TOM1: variants seen among roughly 807,000 people sequenced by gnomAD.
The protein encoded by TOM1 is target of Myb protein 1.
Under a neutral mutation model 61.3 loss-of-function variants are expected in TOM1, and 38 were observed. The observed-to-expected ratio is 0.62, with a 90% CI of 0.48 to 0.81. The LOEUF is 0.81. Ranked by LOEUF, TOM1 falls within the 40% of genes least tolerant of loss-of-function variation. The pLI is 0.00. For missense variants in TOM1, 591 were observed against 659.6 expected (o/e 0.90, Z 1.14); for synonymous variants, 270 against 268.8 (o/e 1.00, Z -0.04).
upstream of TOM1, chr22:35,299,868 G>A (rs891001352): frequency 1.4e-5 from 22 of 1,546,240 alleles, no homozygotes; most frequent in Admixed American, 5.8e-5. Flanking sequence ...GTGACGGGTC[G>A]GTGGCGCTGG....
chr22:35,313,472 C>T (rs1250822760), intron 1 of TOM1, among the ~76,000 whole-genome samples: 2 of 152,182 alleles, frequency 1.3e-5, no homozygotes, highest in Non-Finnish European at 2.9e-5. Context: ...CATTGTAGCT[C>T]GGTTACTCAT....
chr22:35,305,943 C>T (rs1926295539), intron 1 of TOM1, among the ~76,000 whole-genome samples: 1 of 152,058 alleles, frequency 6.6e-6, no homozygotes, highest in African/African-American at 2.4e-5. Flanking sequence ...CTATAAAGGG[C>T]CAGATAGTAA....
chr22:35,321,834 G>C (rs1380580545), intron 2 of TOM1, 125 bp from the exon 3 acceptor site: 12 of 848,322 alleles, frequency 1.4e-5, no homozygotes, highest in Non-Finnish European at 2.3e-5. Flanking sequence ...AACCTGGCTG[G>C]ATACACAAAA....
chr22:35,330,053 G>A (rs1027058489), intron 7 of TOM1, among the ~76,000 whole-genome samples: 3 of 152,096 alleles, frequency 2.0e-5, no homozygotes, highest in Non-Finnish European at 4.4e-5. Context: ...GCCGAGGCAG[G>A]CAGATCGTGA....
chr22:35,304,886 A>G (rs1255109786), intron 1 of TOM1, among the ~76,000 whole-genome samples: 1 of 152,226 alleles, frequency 6.6e-6, no homozygotes, highest in Admixed American at 6.5e-5. Flanking sequence ...GCCAACAGTA[A>G]GTTGCAAACA....
chr22:35,339,697 G>A (rs929499625), intron 12 of TOM1, among the ~76,000 whole-genome samples: 15 of 151,986 alleles, frequency 9.9e-5, no homozygotes, highest in African/African-American at 2.9e-4. Context: ...GAGGTCAGGA[G>A]ATCGAGACCA....
chr22:35,334,935 T>C (rs769919041), intron 11 of TOM1, among the ~76,000 whole-genome samples: 1 of 151,392 alleles, frequency 6.6e-6, no homozygotes, highest in Admixed American at 6.6e-5. Context: ...CTTTTTCTGT[T>C]GTTCCATAGC....
In TOM1 at chr22:35,322,754, A is replaced by C. The variant is rs1047243681; in HGVS notation, c.217-274A>C. On this transcript the variant is annotated intron_variant, in intron 3 of 14. Coordinates refer to ENST00000449058, the MANE Select transcript of TOM1 (RefSeq NM_005488.3). ...TCTAGACCATGTTTAGCTCAGAGAC[A>C]GCATTGGGATTCTGCGTGCACTGAC... 4.9e-5 allele frequency: 21 copies of C among 427,014 alleles called. No homozygotes were observed. The East Asian group carries it at 8.6e-4, about 18-fold the overall frequency. 26.5% of individuals were successfully genotyped at this position (427,014 alleles called of 1,614,324 possible). A position where few individuals can be genotyped will look rare whatever the true frequency, so the allele number is the denominator to read the frequency against.
At chr22:35,329,106 C>A (rs1928592006) in intron 7 of TOM1, among the ~76,000 whole-genome samples, 1 of 152,164 alleles carries the variant, frequency 6.6e-6, no homozygotes, top group African/African-American at 2.4e-5. Context: ...TAGGCATACA[C>A]CACCATGCCC....
rs745751433 is a variant in TOM1, at chr22:35,330,434, C to T, written c.853C>T (p.Leu285Phe). 1 of 1,613,628 alleles carries T rather than the reference C, an allele frequency of 6.2e-7. No homozygotes were observed. Among genetic ancestry groups the T allele is most frequent in the Non-Finnish European group, 8.5e-7 (1 of 1,179,882 alleles). ...IANEQLTEELLIVNDNLNNVF... is the reference protein window; with the variant it reads ...IANEQLTEELFIVNDNLNNVF... ...CAATGAGCAGCTGACAGAGGAGCTG[C>T]TCATCGTCAATGACAATCTCAACAA... Residue 285 changes from leucine to phenylalanine, a missense_variant, in exon 8 of 15, where the codon CTC becomes TTC. Leu to Phe is a conservative substitution (Grantham distance 22). Transcript: ENST00000449058.
At chr22:35,306,861 C>T (rs762891976) in intron 1 of TOM1, among the ~76,000 whole-genome samples, 2 of 152,208 alleles carry the variant, frequency 1.3e-5, no homozygotes, top group African/African-American at 4.8e-5. Context: ...GCTGGGTGGC[C>T]ACCACATTCA....
intron 13 of TOM1, 102 bp downstream of exon 13, chr22:35,345,886 C>A: frequency 8.1e-7 from 1 of 1,235,514 alleles, no homozygotes; most frequent in Non-Finnish European, 1.2e-6. Context: ...CATATAGCAC[C>A]CTGAGAGCAG....
Position 35,347,848 on chromosome 22 carries a change from G to A in TOM1, c.*639G>A. 1 of 153,280 alleles carries A rather than the reference G, an allele frequency of 6.5e-6. No individual in the cohort carries two copies. The highest frequency in any genetic ancestry group is 1.5e-5 in the Non-Finnish European group (1 of 68,466). 9.5% of individuals were successfully genotyped at this position (153,280 alleles called of 1,614,324 possible). A position where few individuals can be genotyped will look rare whatever the true frequency, so the allele number is the denominator to read the frequency against. ...GCTGGGGCCCCACTGCCCCTCCGCTGCCTTGCCCTCCATCCTTCCTCTGTT... is the reference window on the plus strand; with the variant it reads ...GCTGGGGCCCCACTGCCCCTCCGCTACCTTGCCCTCCATCCTTCCTCTGTT... On this transcript the variant is annotated 3_prime_UTR_variant, in exon 15 of 15. Coordinates refer to ENST00000449058, the MANE Select transcript of TOM1 (RefSeq NM_005488.3).
rs200738877 is a variant in TOM1, at chr22:35,323,839, T to C, written c.573T>C (p.Ser191=). 1.3e-4 allele frequency: 204 copies of C among 1,612,896 alleles called. 1 individual carries two copies. The highest frequency in any genetic ancestry group is 8.7e-4 in the Admixed American group (52 of 59,858). ...VGTDSSQQED[S]GQHAAPLPAP... ...CTGACTCCAGCCAGCAAGAGGACTC[T>C]GGCCAGCATGCTGCCCCTCTGCCCG... Residue 191 remains serine, a synonymous_variant, in exon 6 of 15, where the codon TCT becomes TCC. Coordinates refer to ENST00000449058, the MANE Select transcript of TOM1 (RefSeq NM_005488.3). This position sits in a 1 kb window ranked among gnomAD's most constrained non-coding sequence, Gnocchi z 4.2.
chr22:35,343,270 C>CACACACCTCCAG (rs1930093608), intron 12 of TOM1, among the ~76,000 whole-genome samples: 1 of 7,516 alleles, frequency 1.3e-4, no homozygotes, highest in Non-Finnish European at 3.1e-4. Context: ...CACACCTCCA[C>CACACACCTCCAG]TCATACACCT....
chr22:35,305,316 G>A (rs1187739413), intron 1 of TOM1, among the ~76,000 whole-genome samples: 1 of 152,214 alleles, frequency 6.6e-6, no homozygotes, highest in Non-Finnish European at 1.5e-5. Context: ...GGTAAGGAAC[G>A]ACAGAGGTCA....
At chr22:35,336,480 A>C (rs1037178139) in intron 11 of TOM1, among the ~76,000 whole-genome samples, 1 of 152,212 alleles carries the variant, frequency 6.6e-6, no homozygotes, top group Non-Finnish European at 1.5e-5. Flanking sequence ...CCTTGACCAC[A>C]GCTGGCACCG....
intron 1 of TOM1, among the ~76,000 whole-genome samples, chr22:35,305,113 G>A (rs1278575362): frequency 6.6e-6 from 1 of 152,260 alleles, no homozygotes; most frequent in African/African-American, 2.4e-5. Flanking sequence ...CAGGCCCTTG[G>A]GGGCCAGTTG....
chr22:35,304,111 A>G (rs1458886160), intron 1 of TOM1, among the ~76,000 whole-genome samples: 1 of 152,178 alleles, frequency 6.6e-6, no homozygotes, highest in Non-Finnish European at 1.5e-5. Context: ...AAGTCAGTCT[A>G]AGAGAAAGCA....
Sources: allele counts gnomAD v4.1 joint callset (sites outside exome capture counted in the v4.1 genomes callset), GRCh38; gene constraint gnomAD v4.1.1; non-coding constraint Gnocchi (gnomAD v3.1); transcripts MANE v1.5; gene names NCBI Gene and HGNC (gene_info 2026-07-23, HGNC 2026-07-21).